The following NR6A1 variants were observed in gnomAD, a reference collection of about 807,000 sequenced individuals.
NR6A1 encodes the protein retinoic acid receptor-related testis-associated receptor.
A neutral mutation model predicts 59.1 loss-of-function variants in NR6A1; 7 were observed. The ratio of observed to expected loss-of-function variants is 0.12; its 90% CI spans 0.07 to 0.22. The LOEUF (loss-of-function observed/expected upper bound fraction) is 0.22, where lower values mean the gene tolerates loss of function less well. Among genes scored for constraint, NR6A1 ranks in the 10% least tolerant of loss-of-function variants. The probability of loss-of-function intolerance (pLI) is 1.00; values close to 1 mark genes in which losing one functional copy is unlikely to be tolerated. For missense variants in NR6A1, 468 were observed against 611.6 expected, an observed-to-expected ratio of 0.77 and a Z score of 2.48; for synonymous variants, 243 against 236.1, an observed-to-expected ratio of 1.03 and a Z score of -0.27.
At chr9:124,703,789 T>A (rs983727860) in intron 2 of NR6A1, among the ~76,000 whole-genome samples, 1 of 151,998 alleles carries the variant, frequency 6.6e-6, no homozygotes, top group Non-Finnish European at 1.5e-5. Context: ...TCTTCTGTTT[T>A]CTAAAAGAAT....
chr9:124,538,785 G>C (rs1203648014), intron 5 of NR6A1, among the ~76,000 whole-genome samples: 3 of 151,948 alleles, frequency 2.0e-5, no homozygotes, highest in Non-Finnish European at 4.4e-5. Flanking sequence ...AATAGTCCAA[G>C]GAAAGAACAA....
chr9:124,598,988 T>C (rs956945878), intron 2 of NR6A1: 9 of 733,230 alleles, frequency 1.2e-5, no homozygotes, highest in African/African-American at 8.6e-5. Flanking sequence ...CATTGGCGTG[T>C]AGTGGTTGGC....
At chr9:124,536,337 G>T (rs1455714026) in intron 6 of NR6A1, among the ~76,000 whole-genome samples, 1 of 152,090 alleles carries the variant, frequency 6.6e-6, no homozygotes. Flanking sequence ...CTGGAGAGGC[G>T]GGTCTGGTGA....
At chr9:124,664,866 G>A (rs1837559958) in intron 2 of NR6A1, among the ~76,000 whole-genome samples, 1 of 151,894 alleles carries the variant, frequency 6.6e-6, no homozygotes, top group African/African-American at 2.4e-5. Flanking sequence ...TGGGCCAGAA[G>A]CCCTATCATT....
At chr9:124,575,504 G>A (rs1320803778) in intron 2 of NR6A1, among the ~76,000 whole-genome samples, 1 of 151,112 alleles carries the variant, frequency 6.6e-6, no homozygotes, top group Non-Finnish European at 1.5e-5. Flanking sequence ...AACCCAGGAG[G>A]CAGAGGTTTC....
At chr9:124,735,485 CAG>C (rs1434663631) in intron 1 of NR6A1, among the ~76,000 whole-genome samples, 5 of 152,178 alleles carry the variant, frequency 3.3e-5, no homozygotes, top group Admixed American at 2.6e-4. Context: ...ATCAACTAAA[CAG>C]AACACACAAC....
chr9:124,611,853 G>A (rs1194630703), intron 2 of NR6A1, among the ~76,000 whole-genome samples: 1 of 151,816 alleles, frequency 6.6e-6, no homozygotes, highest in African/African-American at 2.4e-5. Flanking sequence ...TCTGTGCTAA[G>A]CTGGGGATGG....
intron 2 of NR6A1, among the ~76,000 whole-genome samples, chr9:124,726,822 T>C (rs1443679962): frequency 6.6e-6 from 1 of 152,266 alleles, no homozygotes; most frequent in Admixed American, 6.5e-5. Flanking sequence ...AGATCTGGTT[T>C]TGAATGTAAA....
chr9:124,599,334 G>A (rs552782171), intron 2 of NR6A1: 73 of 360,434 alleles, frequency 2.0e-4, no homozygotes, highest in African/African-American at 1.4e-3. Context: ...CAGGAGAACC[G>A]CTTGAACCCG....
chr9:124,725,098 A>T (rs1839672212), intron 2 of NR6A1, among the ~76,000 whole-genome samples: 3 of 152,228 alleles, frequency 2.0e-5, no homozygotes, highest in Non-Finnish European at 4.4e-5. Context: ...CACGGTAAAC[A>T]CGACGGCCGA....
rs575327769 is a variant in NR6A1, at chr9:124,727,481, A to G, written c.142+5827T>C. 6.0e-4 allele frequency among the ~76,000 whole-genome samples: 91 copies of G among 152,314 alleles called. 1 individual carries two copies. In the South Asian group the frequency reaches 0.018, roughly 30 times the overall value. ...ATTGTATTATAACTAGCATTCAGTT[A>G]TTATTTTGGATATTTAAGGGTTCCA... On this transcript the variant is annotated intron_variant, in intron 2 of 9. Coordinates refer to ENST00000487099, the MANE Select transcript of NR6A1 (RefSeq NM_033334.4).
intron 2 of NR6A1, among the ~76,000 whole-genome samples, chr9:124,720,243 G>T (rs966083911): frequency 1.3e-5 from 2 of 152,054 alleles, no homozygotes; most frequent in Admixed American, 6.5e-5. Context: ...TGGAGATGGG[G>T]TTTCACCATG....
intron 2 of NR6A1, among the ~76,000 whole-genome samples, chr9:124,654,875 T>TACACACACACACACACACACACACAC (rs3983841): frequency 1.6e-5 from 2 of 123,876 alleles, no homozygotes; most frequent in African/African-American, 3.1e-5. Flanking sequence ...TTTTTTTTTG[T>TACACACACACACACACACACACACAC]ACACACACAC....
At chr9:124,738,446 A>G (rs1751185839) in intron 1 of NR6A1, among the ~76,000 whole-genome samples, 1 of 152,212 alleles carries the variant, frequency 6.6e-6, no homozygotes, top group African/African-American at 2.4e-5. Context: ...AGGAAAAGAG[A>G]GACAAGAAAC....
At chr9:124,638,206 T>C (rs894183228) in intron 2 of NR6A1, among the ~76,000 whole-genome samples, 1 of 151,184 alleles carries the variant, frequency 6.6e-6, no homozygotes, top group Non-Finnish European at 1.5e-5. Context: ...CAGTGAGCTA[T>C]GATCACACCA....
At chr9:124,658,280 C>T (rs1325467115) in intron 2 of NR6A1, among the ~76,000 whole-genome samples, 2 of 152,076 alleles carry the variant, frequency 1.3e-5, no homozygotes, top group African/African-American at 4.8e-5. Context: ...ATGGTGAGGG[C>T]TTCACATTTC....
chr9:124,770,732 G>C (rs1444345021), intron 1 of NR6A1, among the ~76,000 whole-genome samples: 3 of 126,734 alleles, frequency 2.4e-5, no homozygotes. Context: ...AGCCTGTGCA[G>C]AGGGGACGGG....
At chr9:124,655,613 T>A (rs1042154129) in intron 2 of NR6A1, among the ~76,000 whole-genome samples, 2 of 152,172 alleles carry the variant, frequency 1.3e-5, no homozygotes, top group Non-Finnish European at 2.9e-5. Flanking sequence ...ACAGGAAAGA[T>A]GAACCCATAA....
At chr9:124,749,810 C>T (rs995687849) in intron 1 of NR6A1, among the ~76,000 whole-genome samples, 1 of 152,146 alleles carries the variant, frequency 6.6e-6, no homozygotes, top group Non-Finnish European at 1.5e-5. Flanking sequence ...GTTTTTGATA[C>T]CTATTATAAG....
Sources: gnomAD v4.1 joint callset for allele counts (sites outside exome capture counted in the v4.1 genomes callset) on GRCh38, gnomAD v4.1.1 for gene constraint, MANE v1.5 for transcripts, NCBI Gene and HGNC (gene_info 2026-07-23, HGNC 2026-07-21) for gene names.